SLC14A2: variants seen among roughly 807,000 people sequenced by gnomAD.
The protein encoded by SLC14A2 is urea transporter 2.
In SLC14A2, 91 loss-of-function variants were observed where a neutral mutation model predicts 104.6. The observed-to-expected ratio is 0.87, with a 90% CI of 0.73 to 1.04. SLC14A2 has a LOEUF of 1.04. Ranked by LOEUF, SLC14A2 falls within the 50% of genes least tolerant of loss-of-function variation. The pLI is 0.00. For synonymous variants in SLC14A2, 476 were observed against 466.4 expected (o/e 1.02, Z -0.27); for missense variants, 1,189 against 1,156.0 (o/e 1.03, Z -0.41).
intron 10 of SLC14A2, among the ~76,000 whole-genome samples, chr18:45,654,156 C>T (rs1046812497): frequency 6.0e-5 from 9 of 150,414 alleles, no homozygotes; most frequent in African/African-American, 2.2e-4. Flanking sequence ...CGTGGGTGAG[C>T]TGCAGAAGGG....
intron 12 of SLC14A2, 54 bp from the exon 13 acceptor site, chr18:45,666,881 C>G (rs376894712): frequency 1.9e-4 from 283 of 1,484,574 alleles, no homozygotes; most frequent in Non-Finnish European, 2.6e-4. Flanking sequence ...CATGAATTCT[C>G]AGTGTAAGAA....
intron 1 of SLC14A2, among the ~76,000 whole-genome samples, chr18:45,214,844 T>G (rs1467929445): frequency 6.8e-6 from 1 of 147,400 alleles, no homozygotes; most frequent in Non-Finnish European, 1.5e-5. Context: ...GACTAGGTAC[T>G]GGGAATAATA....
intron 2 of SLC14A2, among the ~76,000 whole-genome samples, chr18:45,540,548 A>T (rs1176780282): frequency 6.6e-6 from 1 of 151,972 alleles, no homozygotes; most frequent in South Asian, 2.1e-4. Flanking sequence ...TTCAACACCG[A>T]CCTGGCCAAC....
At chr18:45,363,572 C>G (rs1452622270) in intron 1 of SLC14A2, among the ~76,000 whole-genome samples, 1 of 152,104 alleles carries the variant, frequency 6.6e-6, no homozygotes, top group African/African-American at 2.4e-5. Context: ...ATTGTCCCAG[C>G]TCAGACTCAT....
chr18:45,591,123 T>C (rs575142408), intron 2 of SLC14A2, among the ~76,000 whole-genome samples: 46 of 151,724 alleles, frequency 3.0e-4, no homozygotes, highest in African/African-American at 1.1e-3. Flanking sequence ...CTCACCCCCA[T>C]TGGAGGTGTA....
intron 1 of SLC14A2, among the ~76,000 whole-genome samples, chr18:45,302,119 G>GA (rs1443729530): frequency 1.3e-5 from 2 of 152,150 alleles, no homozygotes; most frequent in African/African-American, 4.8e-5. Context: ...ATTTATACTG[G>GA]AAACCTCAAA....
At chr18:45,668,162 C>A (rs531243458) in intron 14 of SLC14A2, 140 bp downstream of exon 14, 1 of 1,120,494 alleles carries the variant, frequency 8.9e-7, no homozygotes, top group East Asian at 2.5e-5. Flanking sequence ...GTTATTTTGT[C>A]ATAGCAACAT....
intron 1 of SLC14A2, among the ~76,000 whole-genome samples, chr18:45,418,528 G>T (rs1007393233): frequency 1.3e-5 from 2 of 152,202 alleles, no homozygotes; most frequent in East Asian, 1.9e-4. Context: ...GCCAGCATTT[G>T]TCAAGGACCC....
chr18:45,568,999 G>A (rs1247059130), intron 2 of SLC14A2, among the ~76,000 whole-genome samples: 1 of 152,212 alleles, frequency 6.6e-6, no homozygotes, highest in Non-Finnish European at 1.5e-5. Flanking sequence ...AGGAGACTGA[G>A]TAGGATTTAA....
At chr18:45,682,193 C>A (rs549254703) in intron 19 of SLC14A2, 126 bp from the exon 20 acceptor site, 5 of 787,630 alleles carry the variant, frequency 6.3e-6, no homozygotes, top group Admixed American at 5.7e-5. Context: ...TATTGGTCAT[C>A]AATGAAGTAT....
chr18:45,373,479 C>T (rs965412030), intron 1 of SLC14A2, among the ~76,000 whole-genome samples: 5 of 152,198 alleles, frequency 3.3e-5, no homozygotes, highest in Non-Finnish European at 5.9e-5. Flanking sequence ...AGCCCTCCCT[C>T]ATTTCCTCTT....
chr18:45,472,021 T>G (rs775801839), intron 1 of SLC14A2, among the ~76,000 whole-genome samples: 71 of 152,190 alleles, frequency 4.7e-4, no homozygotes, highest in Admixed American at 1.7e-3. Flanking sequence ...ATGCTATCCT[T>G]CCCCTAGCCC....
intron 2 of SLC14A2, among the ~76,000 whole-genome samples, chr18:45,516,814 G>C (rs759899694): frequency 1.3e-5 from 2 of 152,208 alleles, no homozygotes; most frequent in Non-Finnish European, 2.9e-5. Context: ...TCAGCTTCAA[G>C]ATTAACCAGT....
intron 1 of SLC14A2, among the ~76,000 whole-genome samples, chr18:45,360,082 C>T (rs2085595315): frequency 6.6e-6 from 1 of 152,194 alleles, no homozygotes; most frequent in Admixed American, 6.5e-5. Flanking sequence ...GGACTTCTGC[C>T]CAACCTACCC....
At chr18:45,387,247 G>A (rs903079065) in intron 1 of SLC14A2, among the ~76,000 whole-genome samples, 7 of 152,162 alleles carry the variant, frequency 4.6e-5, no homozygotes, top group African/African-American at 1.7e-4. Context: ...AAATAGGCAA[G>A]GTTCTGCTAC....
At chr18:45,390,803 A>G (rs908281005) in intron 1 of SLC14A2, among the ~76,000 whole-genome samples, 1 of 152,198 alleles carries the variant, frequency 6.6e-6, no homozygotes, top group Non-Finnish European at 1.5e-5. Context: ...GCTCACAATA[A>G]CCAGGTGAGA....
At chr18:45,204,077 T>C in the SLC14A2 span, among the ~76,000 whole-genome samples, 1 of 152,202 alleles carries the variant, frequency 6.6e-6, no homozygotes, top group African/African-American at 2.4e-5. Flanking sequence ...TGATATGTGA[T>C]AATTGTGGTA....
chr18:45,428,746 C>T (rs2086471232), intron 1 of SLC14A2, among the ~76,000 whole-genome samples: 1 of 152,198 alleles, frequency 6.6e-6, no homozygotes, highest in Non-Finnish European at 1.5e-5. Context: ...GACTGCATTA[C>T]AAAACAGCCT....
intron 1 of SLC14A2, among the ~76,000 whole-genome samples, chr18:45,223,065 C>T (rs947813369): frequency 3.9e-5 from 6 of 152,218 alleles, no homozygotes; most frequent in Non-Finnish European, 7.3e-5. Flanking sequence ...CTATATGCCA[C>T]GTACTCTATG....
Sources: gnomAD v4.1 joint callset for allele counts (sites outside exome capture counted in the v4.1 genomes callset) on GRCh38, gnomAD v4.1.1 for gene constraint, MANE v1.5 for transcripts, NCBI Gene and HGNC (gene_info 2026-07-23, HGNC 2026-07-21) for gene names.